NALF1: variants seen among roughly 807,000 people sequenced by gnomAD.
NALF1 encodes the protein family with sequence similarity 155 member A.
NALF1 carries 3 observed loss-of-function variants against 48.4 expected under a neutral mutation model. That is an observed-to-expected ratio of 0.06 (90% confidence interval 0.03 to 0.16). The LOEUF is 0.16. Among genes scored for constraint, NALF1 ranks in the 10% least tolerant of loss-of-function variants. The pLI is 1.00. For synonymous variants in NALF1, 262 were observed against 245.7 expected (o/e 1.07, Z -0.62); for missense variants, 526 against 571.5 (o/e 0.92, Z 0.81).
At chr13:107,486,240 G>A (rs1324884376) in intron 1 of NALF1, among the ~76,000 whole-genome samples, 2 of 152,088 alleles carry the variant, frequency 1.3e-5, no homozygotes, top group Non-Finnish European at 2.9e-5. Context: ...CTTACGGATC[G>A]GAACAGAGCT....
intron 1 of NALF1, among the ~76,000 whole-genome samples, chr13:107,371,458 A>AAAATAAAAT (rs1555334911): frequency 1.3e-5 from 2 of 150,458 alleles, no homozygotes; most frequent in Admixed American, 6.6e-5. Flanking sequence ...AAATAAAAAT[A>AAAATAAAAT]AAATAAATAA....
intron 1 of NALF1, among the ~76,000 whole-genome samples, chr13:107,505,548 G>A (rs1257343353): frequency 1.3e-5 from 2 of 152,148 alleles, no homozygotes; most frequent in Non-Finnish European, 2.9e-5. Context: ...TTGGAGGTGG[G>A]GAGTGAAAGA....
intron 1 of NALF1, among the ~76,000 whole-genome samples, chr13:107,839,407 T>G (rs1034993300): frequency 6.7e-6 from 1 of 150,046 alleles, no homozygotes; most frequent in Non-Finnish European, 1.5e-5. Context: ...TTATTTTATA[T>G]ACAGATAAAG....
intron 1 of NALF1, among the ~76,000 whole-genome samples, chr13:107,456,708 A>T (rs975225107): frequency 6.6e-6 from 1 of 152,200 alleles, no homozygotes; most frequent in African/African-American, 2.4e-5. Context: ...TGCAGAGAAC[A>T]CTTCCTAGAC....
At chr13:107,430,986 G>A (rs1021999101) in intron 1 of NALF1, among the ~76,000 whole-genome samples, 5 of 151,992 alleles carry the variant, frequency 3.3e-5, no homozygotes, top group East Asian at 1.9e-4. Context: ...TTTAATGATC[G>A]CCATTCTAAC....
intron 1 of NALF1, among the ~76,000 whole-genome samples, chr13:107,500,736 A>G (rs929235549): frequency 2.6e-4 from 40 of 151,628 alleles, no homozygotes; most frequent in Admixed American, 1.8e-3. Context: ...TGGATTAAGA[A>G]AATGTGGCAC....
At chr13:107,789,648 C>G (rs536115210) in intron 1 of NALF1, among the ~76,000 whole-genome samples, 1 of 152,244 alleles carries the variant, frequency 6.6e-6, no homozygotes, top group South Asian at 2.1e-4. Flanking sequence ...AAAATGGAAG[C>G]AAACATTCTT....
chr13:107,825,253 T>G (rs1477412293), intron 1 of NALF1, among the ~76,000 whole-genome samples: 2 of 152,222 alleles, frequency 1.3e-5, no homozygotes, highest in Non-Finnish European at 2.9e-5. Flanking sequence ...GTGAGAATGT[T>G]GGTCTGCTTT....
chr13:107,493,211 G>C (rs981749715), intron 1 of NALF1, among the ~76,000 whole-genome samples: 1 of 152,156 alleles, frequency 6.6e-6, no homozygotes, highest in Non-Finnish European at 1.5e-5. Context: ...CGTGCTGCTG[G>C]ATAAAGCAGA....
intron 1 of NALF1, among the ~76,000 whole-genome samples, chr13:107,798,629 T>C (rs1878505992): frequency 6.6e-6 from 1 of 152,220 alleles, no homozygotes; most frequent in Non-Finnish European, 1.5e-5. Context: ...GATTACAATT[T>C]AATTTATTAG....
chr13:107,405,405 T>A (rs1883881678), intron 1 of NALF1, among the ~76,000 whole-genome samples: 1 of 152,046 alleles, frequency 6.6e-6, no homozygotes, highest in South Asian at 2.1e-4. Flanking sequence ...TTTCTACATG[T>A]CTCTAGTGCC....
At chr13:107,394,984 A>C (rs927469598) in intron 1 of NALF1, among the ~76,000 whole-genome samples, 2 of 152,192 alleles carry the variant, frequency 1.3e-5, no homozygotes, top group African/African-American at 4.8e-5. Context: ...TGCTTCATTA[A>C]ATCAAACAAC....
intron 1 of NALF1, among the ~76,000 whole-genome samples, chr13:107,476,745 T>C (rs1327744617): frequency 1.3e-5 from 2 of 152,088 alleles, no homozygotes; most frequent in Admixed American, 1.3e-4. Flanking sequence ...TAGATTTATA[T>C]GGGAATCCTT....
At chr13:107,505,703 A>T (rs1232441216) in intron 1 of NALF1, among the ~76,000 whole-genome samples, 1 of 152,202 alleles carries the variant, frequency 6.6e-6, no homozygotes, top group Non-Finnish European at 1.5e-5. Context: ...AGTGCCTCTT[A>T]CGTAAATAAA....
At chr13:107,468,932 A>G (rs1594079463) in intron 1 of NALF1, among the ~76,000 whole-genome samples, 5 of 152,322 alleles carry the variant, frequency 3.3e-5, no homozygotes, top group Admixed American at 3.3e-4. Flanking sequence ...TGATTATCTA[A>G]TAAAGATACA....
rs943946494 is a variant in NALF1, at chr13:107,596,101, T to A, written c.915+269581A>T. 2.0e-5 allele frequency among the ~76,000 whole-genome samples: 3 copies of A among 152,304 alleles called. No individual in the cohort carries two copies. The East Asian group carries it at 5.8e-4, about 29-fold the overall frequency. On this transcript the variant is annotated intron_variant, in intron 1 of 2. Coordinates refer to ENST00000375915, the MANE Select transcript of NALF1 (RefSeq NM_001080396.3). ...AAAATTATCTTCAGTGGAGGAGGAA[T>A]GATCTGTGGGAGAAGGCACCTCAAC...
At chr13:107,846,199 T>G (rs553140168) in intron 1 of NALF1, among the ~76,000 whole-genome samples, 4 of 152,236 alleles carry the variant, frequency 2.6e-5, no homozygotes, top group African/African-American at 9.6e-5. Context: ...CTGTATCACT[T>G]TTGAGCTAGA....
At chr13:107,366,480 C>A (rs1883153486) in intron 1 of NALF1, among the ~76,000 whole-genome samples, 1 of 152,166 alleles carries the variant, frequency 6.6e-6, no homozygotes, top group Non-Finnish European at 1.5e-5. Context: ...GTTCATGATG[C>A]ATTTACCAAC....
chr13:107,747,823 A>ACACACGCACACATGCACATG (rs1876826600), intron 1 of NALF1, among the ~76,000 whole-genome samples: 1 of 152,168 alleles, frequency 6.6e-6, no homozygotes, highest in South Asian at 2.1e-4. Flanking sequence ...GTGATTGTAA[A>ACACACGCACACATGCACATG]CACACGCACA....
Sources: allele counts gnomAD v4.1 joint callset (sites outside exome capture counted in the v4.1 genomes callset), GRCh38; gene constraint gnomAD v4.1.1; transcripts MANE v1.5; gene names NCBI Gene and HGNC (gene_info 2026-07-23, HGNC 2026-07-21).